Variants in JPH3 observed in about 807,000 individuals in gnomAD.
The protein encoded by JPH3 is junctophilin-3.
JPH3 carries 11 observed loss-of-function variants against 59.6 expected under a neutral mutation model. The observed-to-expected ratio is 0.18, with a 90% confidence interval of 0.12 to 0.31. The LOEUF is 0.31. JPH3 is among the 10% of genes least tolerant of loss of function. JPH3 has a pLI of 1.00. For synonymous variants in JPH3, 673 were observed against 483.6 expected (o/e 1.39, Z -5.14); for missense variants, 1,202 against 1,105.7 (o/e 1.09, Z -1.24).
In JPH3 at chr16:87,639,988, G is replaced by C. The variant is rs541939099; in HGVS notation, c.383-4270G>C. Among the ~76,000 whole-genome samples the C allele has an allele frequency of 7.2e-5, 11 of 152,336 alleles. 1 individual carries two copies. The South Asian group carries it at 2.3e-3, about 32-fold the overall frequency. ...ATGGAGGAGGGATCTCAGGGAGTGG[G>C]TGAGCCTCTCCTCTTTCCAGGGTCA... On this transcript the variant is annotated intron_variant, in intron 1 of 4. Coordinates refer to ENST00000284262, the MANE Select transcript of JPH3 (RefSeq NM_020655.4).
In JPH3 at chr16:87,696,697, A is replaced by G. The variant is rs762403580; in HGVS notation, c.*37A>G. 1.3e-6 allele frequency: 2 copies of G among 1,528,744 alleles called. No individual in the cohort carries two copies. Among genetic ancestry groups the G allele is most frequent in the Non-Finnish European group, 1.8e-6 (2 of 1,104,170 alleles). The allele number at this position is 1,528,744 out of a possible 1,614,324, so 94.7% of individuals were successfully genotyped here. ...GGTAGCAAAAATAGAGAAAGGGTAG[A>G]AAAAAGGGACATTAAAATTAAAAGC... On this transcript the variant is annotated 3_prime_UTR_variant, in exon 5 of 5. Coordinates refer to ENST00000284262, the MANE Select transcript of JPH3 (RefSeq NM_020655.4).
At chr16:87,661,030 T>G (rs767949504) in intron 2 of JPH3, among the ~76,000 whole-genome samples, 17 of 152,234 alleles carry the variant, frequency 1.1e-4, no homozygotes, top group Non-Finnish European at 2.4e-4. Context: ...TGAGATATCG[T>G]GAGGATGGGA....
At chr16:87,609,614 G>A (rs1189069182) in intron 1 of JPH3, among the ~76,000 whole-genome samples, 2 of 152,220 alleles carry the variant, frequency 1.3e-5, no homozygotes, top group Non-Finnish European at 2.9e-5. Context: ...AGTCTAAGGT[G>A]TATTCCTGCC....
At chr16:87,610,112 C>T (rs1762938040) in intron 1 of JPH3, among the ~76,000 whole-genome samples, 1 of 152,170 alleles carries the variant, frequency 6.6e-6, no homozygotes, top group Non-Finnish European at 1.5e-5. Flanking sequence ...GCTCTGCATT[C>T]CTATGAGAAT....
intron 2 of JPH3, among the ~76,000 whole-genome samples, chr16:87,645,371 C>A (rs2150846430): frequency 6.6e-6 from 1 of 152,326 alleles, no homozygotes; most frequent in East Asian, 1.9e-4. Flanking sequence ...TAGTACAATG[C>A]ATTGGAGTGC....
intron 3 of JPH3, among the ~76,000 whole-genome samples, chr16:87,684,873 G>C (rs548812956): frequency 1.3e-5 from 2 of 151,592 alleles, no homozygotes; most frequent in African/African-American, 2.4e-5. Context: ...TGGCGGGGGC[G>C]TGGAGGGTGT....
chr16:87,666,990 G>A (rs575124345), intron 2 of JPH3, among the ~76,000 whole-genome samples: 7 of 152,232 alleles, frequency 4.6e-5, no homozygotes, highest in East Asian at 1.9e-4. Context: ...CCACAAAACC[G>A]GAGGCTTAAA....
At chr16:87,620,824 C>G (rs2031158924) in intron 1 of JPH3, among the ~76,000 whole-genome samples, 1 of 152,234 alleles carries the variant, frequency 6.6e-6, no homozygotes, top group Non-Finnish European at 1.5e-5. Context: ...CAGTCTGGCC[C>G]TGTGAAGAGG....
intron 2 of JPH3, among the ~76,000 whole-genome samples, chr16:87,681,633 T>A (rs933757857): frequency 2.0e-5 from 3 of 150,218 alleles, no homozygotes; most frequent in Non-Finnish European, 3.0e-5. Flanking sequence ...GTGCGCGCGG[T>A]CGTGACAGTG....
At chr16:87,681,069 G>C (rs1028246267) in intron 2 of JPH3, among the ~76,000 whole-genome samples, 1 of 152,202 alleles carries the variant, frequency 6.6e-6, no homozygotes, top group Non-Finnish European at 1.5e-5. Flanking sequence ...AGACATTGAC[G>C]AAATATTACC....
chr16:87,636,033 C>T (rs1186898092), intron 1 of JPH3, among the ~76,000 whole-genome samples: 1 of 152,208 alleles, frequency 6.6e-6, no homozygotes, highest in African/African-American at 2.4e-5. Context: ...GAGCCAGACC[C>T]TCGCGGCGGC....
intron 1 of JPH3, among the ~76,000 whole-genome samples, chr16:87,621,349 GGTTCGGGA>G (rs2031178711): frequency 6.6e-6 from 1 of 152,180 alleles, no homozygotes; most frequent in African/African-American, 2.4e-5. Flanking sequence ...CGGGGGAGGG[GGTTCGGGA>G]CAGGAACAGC....
At chr16:87,604,001 G>A in intron 1 of JPH3, 2 of 856,314 alleles carry the variant, frequency 2.3e-6, no homozygotes, top group Non-Finnish European at 2.8e-6. Context: ...CCCCGAATCT[G>A]CCCAAGCCGA....
chr16:87,637,422 T>TTGTGTGTG (rs35239550), intron 1 of JPH3, among the ~76,000 whole-genome samples: 2,572 of 147,564 alleles, frequency 0.017, 85 homozygotes, highest in African/African-American at 0.06. Context: ...GTGTGTGTGT[T>TTGTGTGTG]TGTGTGTGTG....
Position 87,644,180 on chromosome 16 carries a change from G to C in JPH3, c.383-78G>C, listed in dbSNP as rs1024585722. 7 of 1,429,514 alleles carry C rather than the reference G, an allele frequency of 4.9e-6. No individual in the cohort carries two copies. The African/African-American group carries it at 1.0e-4, about 20-fold the overall frequency. The allele number at this position is 1,429,514 out of a possible 1,614,324, so 88.6% of individuals were successfully genotyped here. A position where few individuals can be genotyped will look rare whatever the true frequency, so the allele number is the denominator to read the frequency against. On this transcript the variant is annotated intron_variant, in intron 1 of 4. Coordinates refer to ENST00000284262, the MANE Select transcript of JPH3 (RefSeq NM_020655.4). ...AGGAAGCTCAGACAGGACTGTGGCT[G>C]CTTCAACCCTGTCCGTGGCCAGGCT...
At chr16:87,665,285 G>A (rs2032825800) in intron 2 of JPH3, among the ~76,000 whole-genome samples, 1 of 152,230 alleles carries the variant, frequency 6.6e-6, no homozygotes. Context: ...CCATTGCAAA[G>A]CCCCTGCGTG....
chr16:87,607,731 A>G lies in JPH3; in HGVS notation c.382+4203A>G, dbSNP rs959382180. Among the ~76,000 whole-genome samples the G allele has an allele frequency of 7.9e-5, 12 of 152,266 alleles. No homozygotes were observed. The South Asian group carries it at 1.2e-3, about 16-fold the overall frequency. On this transcript the variant is annotated intron_variant, in intron 1 of 4. Transcript: ENST00000284262. ...GTATGCTTTGTGCTTGGCTATGACT[A>G]TGACTATGCAACAAGTAATTTCTTT... is the stretch of plus-strand genomic sequence containing the variant.
intron 2 of JPH3, among the ~76,000 whole-genome samples, chr16:87,655,207 C>T (rs1218561135): frequency 6.6e-6 from 1 of 152,256 alleles, no homozygotes; most frequent in African/African-American, 2.4e-5. Flanking sequence ...CCCGCCACCC[C>T]CGCCAGGGCC....
rs1354448370 is a variant in JPH3 at position 87,659,374 on chromosome 16, C to CAAAAAAAAAAAAAAAAAAAAAAAAAA, written c.1160+14351_1160+14352insAAAAAAAAAAAAAAAAAAAAAAAAAA. Among the ~76,000 whole-genome samples, 15 of 74,542 alleles carry CAAAAAAAAAAAAAAAAAAAAAAAAAA rather than the reference C, an allele frequency of 2.0e-4. 1 individual carries two copies. Among genetic ancestry groups the CAAAAAAAAAAAAAAAAAAAAAAAAAA allele is most frequent in the Admixed American group, 2.9e-4 (2 of 6,998 alleles). 48.9% of individuals were successfully genotyped at this position (74,542 alleles called of 152,430 possible). A position where few individuals can be genotyped will look rare whatever the true frequency, so the allele number is the denominator to read the frequency against. On this transcript the variant is annotated intron_variant, in intron 2 of 4. Coordinates refer to ENST00000284262, the MANE Select transcript of JPH3 (RefSeq NM_020655.4). ...CCTGGGTGACAGAGTAAGACTGTCT[C>CAAAAAAAAAAAAAAAAAAAAAAAAAA]AAAAAAAAAAAAGAAAAAAAAAAAG...
Sources: gnomAD v4.1 joint callset for allele counts (sites outside exome capture counted in the v4.1 genomes callset) on GRCh38, gnomAD v4.1.1 for gene constraint, MANE v1.5 for transcripts, NCBI Gene and HGNC (gene_info 2026-07-23, HGNC 2026-07-21) for gene names.